The following SETD5 variants were observed in gnomAD, a reference collection of about 807,000 sequenced individuals.
SETD5 encodes the protein SET domain containing 5, also known as histone-lysine N-methyltransferase SETD5.
A neutral mutation model predicts 153.3 loss-of-function variants in SETD5; 44 were observed. The ratio of observed to expected loss-of-function variants is 0.29; its 90% CI spans 0.23 to 0.37. The LOEUF (loss-of-function observed/expected upper bound fraction) is 0.37, where lower values mean the gene tolerates loss of function less well. Among genes scored for constraint, SETD5 ranks in the 10% least tolerant of loss-of-function variants. SETD5 has a pLI of 1.00. For synonymous variants in SETD5, 716 were observed against 645.2 expected, an observed-to-expected ratio of 1.11 and a Z score of -1.66; for missense variants, 1,544 against 1,768.0, an observed-to-expected ratio of 0.87 and a Z score of 2.27.
chr3:9,446,253 C>T (rs2041981714), intron 13 of SETD5, among the ~76,000 whole-genome samples: 1 of 136,210 alleles, frequency 7.3e-6, no homozygotes, highest in Admixed American at 8.0e-5. Flanking sequence ...CGCCACTGCA[C>T]TCCGGCCTGG....
intron 2 of SETD5, among the ~76,000 whole-genome samples, chr3:9,426,527 G>A (rs1172071083): frequency 6.6e-6 from 1 of 151,774 alleles, no homozygotes; most frequent in Non-Finnish European, 1.5e-5. Context: ...CTCCTGAGTA[G>A]CTGGGATTAC....
At chr3:9,436,055 T>C in intron 7 of SETD5, 149 bp downstream of exon 7, 1 of 705,268 alleles carries the variant, frequency 1.4e-6, no homozygotes, top group South Asian at 1.9e-5. Flanking sequence ...TAATCTGTGT[T>C]ATGTACATGT....
chr3:9,445,375 G>A, intron 12 of SETD5, 75 bp downstream of exon 12: 2 of 1,492,986 alleles, frequency 1.3e-6, no homozygotes, highest in Non-Finnish European at 1.8e-6. Context: ...TTGCCGCATG[G>A]TTTAAGTAGG....
intron 1 of SETD5, among the ~76,000 whole-genome samples, chr3:9,422,273 A>T (rs947394276): frequency 6.6e-6 from 1 of 152,184 alleles, no homozygotes; most frequent in African/African-American, 2.4e-5. Context: ...TTATCAGCAT[A>T]CCTTATATGT....
chr3:9,448,689 G>T, intron 16 of SETD5, 59 bp downstream of exon 16: 2 of 1,416,180 alleles, frequency 1.4e-6, no homozygotes, highest in South Asian at 1.5e-5. Context: ...ATTTTTTTAA[G>T]CCTAAGATTC....
At chr3:9,416,402 T>C (rs898171433) in intron 1 of SETD5, among the ~76,000 whole-genome samples, 1 of 152,226 alleles carries the variant, frequency 6.6e-6, no homozygotes, top group Non-Finnish European at 1.5e-5. Context: ...ATAGCAAATA[T>C]AGGAATGCTG....
At chr3:9,417,575 TC>T (rs1182788840) in intron 1 of SETD5, among the ~76,000 whole-genome samples, 2 of 149,186 alleles carry the variant, frequency 1.3e-5, no homozygotes, top group African/African-American at 5.0e-5. Flanking sequence ...GAGCTCCGCC[TC>T]CCGGGTTCAC....
intron 18 of SETD5, among the ~76,000 whole-genome samples, chr3:9,467,212 A>C (rs1339598591): frequency 4.0e-5 from 6 of 151,264 alleles, no homozygotes; most frequent in Non-Finnish European, 5.9e-5. Flanking sequence ...AAAAAAAAAA[A>C]AAAAAAAAAA....
chr3:9,407,994 A>G (rs2035983312), intron 1 of SETD5, among the ~76,000 whole-genome samples: 2 of 47,998 alleles, frequency 4.2e-5, no homozygotes, highest in Admixed American at 2.8e-4. Flanking sequence ...GAGCAAAACT[A>G]TGTCTCAAAA....
At chr3:9,418,487 C>G (rs2037878986) in intron 1 of SETD5, among the ~76,000 whole-genome samples, 1 of 152,132 alleles carries the variant, frequency 6.6e-6, no homozygotes, top group African/African-American at 2.4e-5. Context: ...TGTAGAAATG[C>G]AACTAAGATC....
chr3:9,474,692 G>A, intron 21 of SETD5, 110 bp downstream of exon 21: 1 of 1,447,392 alleles, frequency 6.9e-7, no homozygotes, highest in South Asian at 1.3e-5. Flanking sequence ...ATGCAGTTGG[G>A]CTCCACCGCA....
At position 9,443,313 on chromosome 3, in the gene SETD5, A is replaced by G. The variant is rs1277618395; in HGVS notation, c.1083A>G (p.Arg361=). 2 of 1,551,858 alleles carry G rather than the reference A, an allele frequency of 1.3e-6. No homozygotes were observed. Among genetic ancestry groups the G allele is most frequent in the South Asian group, 2.4e-5 (2 of 82,980 alleles). ...RRSCTPNAEV[R]HMIADGMIHL... ...CCAGAAGCCTTTTCACACAGGTGCG[A>G]CACATGATTGCAGATGGGATGATTC... is the stretch of plus-strand genomic sequence containing the variant. The change falls in exon 11 of 23, where the codon CGA becomes CGG. Residue 361 remains arginine, a synonymous_variant. Transcript: ENST00000402198.
intron 17 of SETD5, among the ~76,000 whole-genome samples, chr3:9,460,083 T>C (rs2043770590): frequency 6.6e-6 from 1 of 150,966 alleles, no homozygotes; most frequent in South Asian, 2.1e-4. Flanking sequence ...ATAAGAGATA[T>C]AAGTACTGGT....
intron 1 of SETD5, among the ~76,000 whole-genome samples, chr3:9,413,922 C>T (rs1439789514): frequency 3.3e-5 from 5 of 151,918 alleles, no homozygotes; most frequent in Admixed American, 6.6e-5. Flanking sequence ...GGACTGCAGG[C>T]GCGCGCCACC....
intron 1 of SETD5, among the ~76,000 whole-genome samples, chr3:9,404,823 ACTGTTAGGGCTC>A (rs1461029443): frequency 6.6e-6 from 1 of 152,210 alleles, no homozygotes; most frequent in Non-Finnish European, 1.5e-5. Flanking sequence ...GGTTTTGATA[ACTGTTAGGGCTC>A]CCCAAACAGC....
intron 11 of SETD5, among the ~76,000 whole-genome samples, chr3:9,444,786 AGG>A (rs2041736759): frequency 6.6e-6 from 1 of 152,082 alleles, no homozygotes; most frequent in Non-Finnish European, 1.5e-5. Context: ...CTGAGGTAGG[AGG>A]ATCACTTGAG....
intron 16 of SETD5, among the ~76,000 whole-genome samples, chr3:9,450,473 A>C (rs2042489611): frequency 1.3e-5 from 2 of 152,184 alleles, no homozygotes; most frequent in Non-Finnish European, 2.9e-5. Flanking sequence ...ATTTTTTAAA[A>C]TACAGCTTTT....
chr3:9,433,306 G>T (rs1056434462), intron 3 of SETD5: 13 of 1,115,908 alleles, frequency 1.2e-5, no homozygotes, highest in African/African-American at 9.6e-5. Flanking sequence ...GGTGTTGGGG[G>T]TTCATCAAGA....
intron 1 of SETD5, among the ~76,000 whole-genome samples, chr3:9,406,464 C>T (rs774262903): frequency 2.0e-5 from 3 of 152,122 alleles, no homozygotes; most frequent in African/African-American, 7.2e-5. Flanking sequence ...TAAATCTGGC[C>T]GGGCGCGGTG....
Sources: allele counts gnomAD v4.1 joint callset (sites outside exome capture counted in the v4.1 genomes callset), GRCh38; gene constraint gnomAD v4.1.1; transcripts MANE v1.5; gene names NCBI Gene and HGNC (gene_info 2026-07-23, HGNC 2026-07-21).